GRM4: variants seen among roughly 807,000 people sequenced by gnomAD.
GRM4 encodes metabotropic glutamate receptor 4.
GRM4 carries 28 observed loss-of-function variants against 81.7 expected under a neutral mutation model. The observed-to-expected ratio is 0.34, with a 90% CI of 0.25 to 0.47. The LOEUF is 0.47. Among genes scored for constraint, GRM4 ranks in the 20% least tolerant of loss-of-function variants. The pLI, the probability that GRM4 is intolerant of heterozygous loss-of-function variation, is 1.00. For missense variants in GRM4, 948 were observed against 1,290.0 expected, an observed-to-expected ratio of 0.73 and a Z score of 4.06; for synonymous variants, 488 against 528.8, an observed-to-expected ratio of 0.92 and a Z score of 1.06.
chr6:34,056,444 G>C (rs927418534), intron 6 of GRM4, 100 bp downstream of exon 6: 35 of 1,108,278 alleles, frequency 3.2e-5, no homozygotes, highest in Non-Finnish European at 5.1e-6. Context: ...ACGGCCGGCC[G>C]ACGACAGACA....
chr6:34,065,299 C>T (rs75976707), intron 3 of GRM4, among the ~76,000 whole-genome samples: 1,819 of 152,270 alleles, frequency 0.012, 18 homozygotes, highest in Middle Eastern at 0.038. Context: ...CTAACACTCC[C>T]GCAGACGCCT....
chr6:34,123,607 C>T (rs758103365), intron 2 of GRM4, among the ~76,000 whole-genome samples: 3 of 152,162 alleles, frequency 2.0e-5, no homozygotes, highest in Non-Finnish European at 2.9e-5. Context: ...AGAGCTGGTA[C>T]TTTGTTCCAC....
chr6:34,039,160 T>C (rs897205570), intron 8 of GRM4, among the ~76,000 whole-genome samples: 18 of 152,132 alleles, frequency 1.2e-4, no homozygotes, highest in African/African-American at 4.3e-4. Flanking sequence ...AGGCTGTTCC[T>C]GCCACACGGT....
intron 3 of GRM4, among the ~76,000 whole-genome samples, chr6:34,076,192 C>T (rs985532208): frequency 1.3e-5 from 2 of 152,254 alleles, no homozygotes; most frequent in Admixed American, 6.5e-5. Context: ...AACTGAAAAG[C>T]AAAATGAAAT....
rs2127499384 is a variant in GRM4, at chr6:34,111,441, G to A, written c.520-19342C>T. ...ACACACACATAGAGTCAGCACTGGT[G>A]GAGGCAGCATTAACAGTGTATTTTG... On this transcript the variant is annotated intron_variant, in intron 2 of 10. Transcript: ENST00000538487. This position sits in a 1 kb window ranked among gnomAD's most constrained non-coding sequence, Gnocchi z 5.1. 6.6e-6 allele frequency among the ~76,000 whole-genome samples: 1 copy of A among 152,282 alleles called. No homozygotes were observed. Among genetic ancestry groups the A allele is most frequent in the Admixed American group, 6.5e-5 (1 of 15,298 alleles).
intron 3 of GRM4, among the ~76,000 whole-genome samples, chr6:34,071,708 C>G (rs910878466): frequency 1.4e-5 from 2 of 141,174 alleles, no homozygotes; most frequent in South Asian, 2.3e-4. Flanking sequence ...CAGATACACA[C>G]CATGCACACA....
Position 34,130,955 on chromosome 6 carries a change from G to C in GRM4, c.519+2023C>G, listed in dbSNP as rs1467855147. ...GGGGATCTGTGCCCCACCCTGCCAG[G>C]CTGACAAGGAGGAGTCCAAGGCTTG... On this transcript the variant is annotated intron_variant, in intron 2 of 10. Coordinates refer to ENST00000538487, the MANE Select transcript of GRM4 (RefSeq NM_000841.4). This position sits in a 1 kb window ranked among gnomAD's most constrained non-coding sequence, Gnocchi z 4.1. Among the ~76,000 whole-genome samples, 1 of 152,266 alleles carries C rather than the reference G, an allele frequency of 6.6e-6. No individual in the cohort carries two copies. Among genetic ancestry groups the C allele is most frequent in the South Asian group, 2.1e-4 (1 of 4,836 alleles).
chr6:34,088,191 C>T (rs185348496), intron 3 of GRM4, among the ~76,000 whole-genome samples: 11 of 152,214 alleles, frequency 7.2e-5, no homozygotes, highest in Admixed American at 3.3e-4. Context: ...GGCGCAATCT[C>T]GGCTCACTGC....
chr6:34,028,364 C>T lies in GRM4; in HGVS notation c.2445G>A (p.Leu815=), dbSNP rs138930141. The T allele has an allele frequency of 6.2e-7, 1 of 1,609,038 alleles. No individual in the cohort carries two copies. The highest frequency in any genetic ancestry group is 1.3e-5 in the African/African-American group (1 of 75,004). The change falls in exon 10 of 11, where the codon CTG becomes CTA. Residue 815 remains leucine (L), a splice_region_variant and synonymous_variant. Transcript: ENST00000538487. ...FFGTSQSADK[L]YIQTTTLTVS... The stretch of plus-strand genomic sequence containing the variant: ...CCGTCAGCGTCGTCGTCTGGATGTA[C>T]AGCTGGCGGAGGGCACGGTGGCGTC...
At position 34,115,932 on chromosome 6, in the gene GRM4, C is replaced by T. The variant is rs975913245; in HGVS notation, c.519+17046G>A. Among the ~76,000 whole-genome samples, 11 of 152,160 alleles carry T rather than the reference C, an allele frequency of 7.2e-5. 1 individual carries two copies. Among genetic ancestry groups the T allele is most frequent in the Admixed American group, 5.9e-4 (9 of 15,282 alleles). ...GTAAAAATGAGGTACCGATGTTGGC[C>T]GCACCAGAAGAGGGCTTTAATTACA... On this transcript the variant is annotated intron_variant, in intron 2 of 10. Transcript: ENST00000538487. This position sits in a 1 kb window ranked among gnomAD's most constrained non-coding sequence, Gnocchi z 4.1.
intron 2 of GRM4, among the ~76,000 whole-genome samples, chr6:34,113,219 A>G (rs1769457573): frequency 6.6e-6 from 1 of 151,410 alleles, no homozygotes; most frequent in Non-Finnish European, 1.5e-5. Context: ...CAGTGCAATG[A>G]CAGCTCACTA....
At chr6:34,073,254 C>CCACACAGACACACACACA (rs1434120651) in intron 3 of GRM4, among the ~76,000 whole-genome samples, 1 of 150 alleles carries the variant, frequency 6.7e-3, no homozygotes, top group African/African-American at 0.012. Flanking sequence ...ACACACATCA[C>CCACACAGACACACACACA]CACATAGATA....
At position 34,035,611 on chromosome 6, in the gene GRM4, G is replaced by T; in HGVS notation, c.2442+57C>A. 1 of 1,091,962 alleles carries T rather than the reference G, an allele frequency of 9.2e-7. No individual in the cohort carries two copies. The allele number at this position is 1,091,962 out of a possible 1,614,324, so 67.6% of individuals were successfully genotyped here. ...GGAGGCCAGCCAGCCTCAGGAGGCT[G>T]CCCCTTGCTCACTGCCCTCACCTAC... On this transcript the variant is annotated intron_variant, in intron 9 of 10. Transcript: ENST00000538487. This position sits in a 1 kb window ranked among gnomAD's most constrained non-coding sequence, Gnocchi z 6.6.
intron 3 of GRM4, among the ~76,000 whole-genome samples, chr6:34,085,795 G>A (rs754971770): frequency 6.6e-6 from 1 of 152,226 alleles, no homozygotes; most frequent in Non-Finnish European, 1.5e-5. Flanking sequence ...AAGAAAAACA[G>A]AGCAGGGTAC....
Position 34,114,205 on chromosome 6 carries a change from C to T in GRM4, c.519+18773G>A, listed in dbSNP as rs1340279268. On this transcript the variant is annotated intron_variant, in intron 2 of 10. Coordinates refer to ENST00000538487, the MANE Select transcript of GRM4 (RefSeq NM_000841.4). The surrounding 1 kb of genome is among the most constrained non-coding windows in gnomAD (Gnocchi z 4.3). ...ACTCATGTAAGTGATTACATCATGT[C>T]TCCTGTCTTTCTTCCCACTCCAGAA... Among the ~76,000 whole-genome samples the T allele has an allele frequency of 1.3e-5, 2 of 152,218 alleles. No individual in the cohort carries two copies. The highest frequency in any genetic ancestry group is 2.9e-5 in the Non-Finnish European group (2 of 68,042).
chr6:34,147,093 AG>A (rs1238354643), upstream of GRM4, among the ~76,000 whole-genome samples: 2 of 152,252 alleles, frequency 1.3e-5, no homozygotes, highest in Non-Finnish European at 2.9e-5. Flanking sequence ...ATGTTGGCAA[AG>A]CTTGCACTCT....
Position 34,111,540 on chromosome 6 carries a change from A to G in GRM4, c.520-19441T>C, listed in dbSNP as rs1769383758. 6.6e-6 allele frequency among the ~76,000 whole-genome samples: 1 copy of G among 152,106 alleles called. No individual in the cohort carries two copies. The highest frequency in any genetic ancestry group is 2.4e-5 in the African/African-American group (1 of 41,402). On this transcript the variant is annotated intron_variant, in intron 2 of 10. Transcript: ENST00000538487. The surrounding 1 kb of genome is among the most constrained non-coding windows in gnomAD (Gnocchi z 5.1). ...CCCAGCTGCCCATCAAGCAGCTGGA[A>G]CTCTTAACTGCCCATGGTAGGCAAG...
intron 3 of GRM4, among the ~76,000 whole-genome samples, chr6:34,072,077 C>G (rs1443152229): frequency 1.3e-5 from 2 of 151,944 alleles, no homozygotes; most frequent in African/African-American, 4.8e-5. Flanking sequence ...CCACAGATAC[C>G]ACACACAGAC....
At chr6:34,077,183 C>T (rs1381356521) in intron 3 of GRM4, among the ~76,000 whole-genome samples, 1 of 152,120 alleles carries the variant, frequency 6.6e-6, no homozygotes, top group Non-Finnish European at 1.5e-5. Flanking sequence ...CCCCACATGT[C>T]CCACATGTCC....
Sources: gnomAD v4.1 joint callset for allele counts (sites outside exome capture counted in the v4.1 genomes callset) on GRCh38, gnomAD v4.1.1 for gene constraint, Gnocchi (gnomAD v3.1) non-coding constraint, MANE v1.5 for transcripts, NCBI Gene and HGNC (gene_info 2026-07-23, HGNC 2026-07-21) for gene names.